Variants in LINC00632 observed in about 807,000 individuals in gnomAD.
The protein encoded by LINC00632 is ALDOA related specific transcript.
At chrX:140,719,399 A>G (rs1391931011) in intron 2 of LINC00632, among the ~76,000 whole-genome samples, 1 of 109,866 alleles carries the variant, frequency 9.1e-6, no homozygotes, top group African/African-American at 3.3e-5. Flanking sequence ...CCCAGGTTCT[A>G]GCGATTCTTC....
chrX:140,790,684 T>C, exon 5 of LINC00632, among the ~76,000 whole-genome samples: 1 of 111,502 alleles, frequency 9.0e-6, no homozygotes, highest in East Asian at 2.8e-4. Flanking sequence ...ACGAGGGATC[T>C]GTCTCAATTT....
chrX:140,785,189 TAATAATAATA>T (rs377427261), exon 5 of LINC00632, among the ~76,000 whole-genome samples: 5,950 of 90,982 alleles, frequency 0.065, 191 homozygotes, highest in Admixed American at 0.19. Context: ...AATAATATAA[TAATAATAATA>T]ATAATAATAA....
chrX:140,759,750 A>G (rs1931571166), intron 3 of LINC00632, among the ~76,000 whole-genome samples: 1 of 111,315 alleles, frequency 9.0e-6, no homozygotes, highest in African/African-American at 3.3e-5. Context: ...TATTGAGTCT[A>G]TTTACTGGAC....
chrX:140,752,459 G>A (rs1251011654), intron 3 of LINC00632, among the ~76,000 whole-genome samples: 1 of 111,821 alleles, frequency 8.9e-6, no homozygotes, highest in African/African-American at 3.2e-5. Context: ...TGGGCTCTGT[G>A]CAAGCCCCAT....
chrX:140,715,532 T>C (rs2148376132), intron 2 of LINC00632, among the ~76,000 whole-genome samples: 1 of 109,252 alleles, frequency 9.2e-6, no homozygotes, highest in African/African-American at 3.3e-5. Flanking sequence ...GAGGTGGAGG[T>C]TGCAGTGAGC....
At chrX:140,738,839 A>G (rs1459885270) in intron 3 of LINC00632, among the ~76,000 whole-genome samples, 2 of 112,304 alleles carry the variant, frequency 1.8e-5, no homozygotes, top group Admixed American at 1.9e-4. Flanking sequence ...TGTGAAGCTC[A>G]CATTGTATAT....
At chrX:140,771,302 C>T (rs1049832427) in intron 3 of LINC00632, among the ~76,000 whole-genome samples, 9 of 97,904 alleles carry the variant, frequency 9.2e-5, no homozygotes, top group Non-Finnish European at 1.7e-4. Context: ...AAGTAAATGA[C>T]ATGCTCGGAA....
chrX:140,730,515 G>A (rs17002480), intron 2 of LINC00632, among the ~76,000 whole-genome samples: 40,737 of 108,701 alleles, frequency 0.37, 5,646 homozygotes, highest in Non-Finnish European at 0.4. Flanking sequence ...TCATTTCACC[G>A]AGAAACTAGC....
chrX:140,728,624 C>T (rs1470855027), intron 2 of LINC00632, among the ~76,000 whole-genome samples: 1 of 111,427 alleles, frequency 9.0e-6, no homozygotes, highest in Non-Finnish European at 1.9e-5. Context: ...TACTTACCCC[C>T]ACAACAACGT....
intron 2 of LINC00632, among the ~76,000 whole-genome samples, chrX:140,720,168 T>G (rs918926209): frequency 2.7e-5 from 3 of 110,260 alleles, no homozygotes; most frequent in Non-Finnish European, 5.7e-5. Context: ...AGAACCACAA[T>G]GCATGGACAT....
chrX:140,788,803 C>A (rs1932058548), exon 5 of LINC00632, among the ~76,000 whole-genome samples: 2 of 102,330 alleles, frequency 2.0e-5, no homozygotes, highest in Non-Finnish European at 3.9e-5. Flanking sequence ...CATATATACA[C>A]ATATATGTAT....
chrX:140,723,331 C>T (rs780249294), intron 2 of LINC00632, among the ~76,000 whole-genome samples: 99 of 100,628 alleles, frequency 9.8e-4, no homozygotes, highest in Non-Finnish European at 1.5e-3. Context: ...ACATTCCATA[C>T]ACACAGACAC....
At chrX:140,778,416 C>A (rs1473483976) in exon 5 of LINC00632, among the ~76,000 whole-genome samples, 1 of 110,793 alleles carries the variant, frequency 9.0e-6, no homozygotes, top group African/African-American at 3.3e-5. Context: ...ACCATCCTGG[C>A]CAACATGGTG....
At chrX:140,787,884 TTAG>T (rs10612274) in exon 5 of LINC00632, among the ~76,000 whole-genome samples, 5,776 of 110,448 alleles carry the variant, frequency 0.052, 184 homozygotes, top group Admixed American at 0.17. Context: ...TAAAATGTTG[TTAG>T]TAGTAAAAGT....
In LINC00632 at chrX:140,728,012, G is replaced by A. The variant is rs1354197427; in HGVS notation, n.105-5866G>A. ...TCCCAGCACCTTGGGAGGCCGAGAC[G>A]GGCGGATCACCTGACATTGGGAGTT... is the stretch of plus-strand genomic sequence containing the variant. On this transcript the variant is annotated intron_variant and non_coding_transcript_variant, in intron 2 of 4. Coordinates refer to ENST00000648200, the Ensembl canonical transcript of LINC00632. 4.5e-5 allele frequency among the ~76,000 whole-genome samples: 5 copies of A among 111,256 alleles called. No homozygotes were observed. The East Asian group carries it at 1.2e-3, about 26-fold the overall frequency.
rs1366397133 is a variant in LINC00632, at chrX:140,752,542, T to C, written n.191+18578T>C. On this transcript the variant is annotated intron_variant and non_coding_transcript_variant, in intron 3 of 4. Transcript: ENST00000648200. ...CATTGATTATGAGGCTGTTTTTCAC[T>C]TTTTTTGTAAAAAACTCATGCCCAA... Among the ~76,000 whole-genome samples, 5 of 112,179 alleles carry C rather than the reference T, an allele frequency of 4.5e-5. No individual in the cohort carries two copies. In the South Asian group the frequency reaches 1.9e-3, roughly 42 times the overall value.
At chrX:140,725,006 A>G (rs750567416) in intron 2 of LINC00632, among the ~76,000 whole-genome samples, 6 of 4,577 alleles carry the variant, frequency 1.3e-3, no homozygotes, top group Non-Finnish European at 2.5e-3. Flanking sequence ...TTCCACACAC[A>G]CACATTCATA....
intron 3 of LINC00632, among the ~76,000 whole-genome samples, chrX:140,770,090 A>G (rs1035998978): frequency 9.0e-6 from 1 of 111,186 alleles, no homozygotes; most frequent in Admixed American, 9.7e-5. Context: ...AGGAGGGATC[A>G]GGGAAAGCTT....
intron 3 of LINC00632, among the ~76,000 whole-genome samples, chrX:140,762,668 A>G (rs1931621365): frequency 8.9e-6 from 1 of 112,245 alleles, no homozygotes; most frequent in East Asian, 2.8e-4. Flanking sequence ...GAAACTATTC[A>G]GCTTTGCCAC....
Sources: gnomAD v4.1 joint callset for allele counts (sites outside exome capture counted in the v4.1 genomes callset) on GRCh38, gnomAD v4.1.1 for gene constraint, MANE v1.5 for transcripts, NCBI Gene and HGNC (gene_info 2026-07-23, HGNC 2026-07-21) for gene names.